Variants in SIRT1 observed in about 807,000 individuals in gnomAD.
SIRT1 encodes NAD-dependent protein deacetylase sirtuin-1.
Under a neutral mutation model 67.9 loss-of-function variants are expected in SIRT1, and 24 were observed. That is an observed-to-expected ratio of 0.35 (90% CI 0.26 to 0.50). SIRT1 has a LOEUF of 0.50. Among genes scored for constraint, SIRT1 ranks in the 20% least tolerant of loss-of-function variants. The probability of loss-of-function intolerance (pLI) is 0.98; values close to 1 mark genes in which losing one functional copy is unlikely to be tolerated. For missense variants in SIRT1, 873 were observed against 937.2 expected (o/e 0.93, Z 0.89); for synonymous variants, 378 against 350.7 (o/e 1.08, Z -0.87).
rs199618656 is a variant in SIRT1 at position 67,889,053 on chromosome 10, T to G, written c.719T>G (p.Ile240Ser). ...EPPKRKKRKD[I>S]NTIEDAVKLL... ...CCAAAAAGGAAAAAAAGAAAAGATATTAATACAATTGAAGATGCTGTGAAA... is the reference window on the plus strand; with the variant it reads ...CCAAAAAGGAAAAAAAGAAAAGATAGTAATACAATTGAAGATGCTGTGAAA... Residue 240 changes from isoleucine to serine, a missense_variant, in exon 3 of 9, where the codon ATT becomes AGT. Ile to Ser is a moderately radical substitution (Grantham distance 142). Transcript: ENST00000212015. 1.9e-6 allele frequency: 3 copies of G among 1,611,814 alleles called. No individual in the cohort carries two copies. Among genetic ancestry groups the G allele is most frequent in the Admixed American group, 3.3e-5 (2 of 59,984 alleles).
Position 67,909,438 on chromosome 10 carries a change from T to G in SIRT1, c.1353T>G (p.Ile451Met), listed in dbSNP as rs1325855305. The G allele has an allele frequency of 6.2e-7, 1 of 1,601,126 alleles. No individual in the cohort carries two copies. Among genetic ancestry groups the G allele is most frequent in the Non-Finnish European group, 8.5e-7 (1 of 1,176,418 alleles). ...SSLKVRPVALIPSSIPHEVPQ... is the reference protein window; with the variant it reads ...SSLKVRPVALMPSSIPHEVPQ... ...TCAAAGTAAGACCAGTAGCACTAAT[T>G]CCAAGTAAGTTGGTGATGGTTTTTG... The change falls in exon 7 of 9, where the codon ATT (isoleucine) becomes ATG (methionine). Residue 451 changes from isoleucine to methionine, a missense_variant. Around this residue, in one of 3 missense-constraint regions of SIRT1, gnomAD observed 251 missense variants for 358.8 expected, o/e 0.70. Coordinates refer to ENST00000212015, the MANE Select transcript of SIRT1 (RefSeq NM_012238.5).
chr10:67,912,500 A>T lies in SIRT1; in HGVS notation c.1384A>T (p.Ile462Leu), dbSNP rs1842915234. 3 of 1,611,508 alleles carry T rather than the reference A, an allele frequency of 1.9e-6. No individual in the cohort carries two copies. Among genetic ancestry groups the T allele is most frequent in the Non-Finnish European group, 2.5e-6 (3 of 1,179,282 alleles). The change falls in exon 8 of 9, where the codon ATA (isoleucine) becomes TTA (leucine). Residue 462 changes from isoleucine (I) to leucine (L), a missense_variant. Ile to Leu is a conservative substitution (Grantham distance 5). This residue lies in a region of SIRT1 where 251 missense variants were observed against 358.8 expected (regional missense o/e 0.70). Coordinates refer to ENST00000212015, the MANE Select transcript of SIRT1 (RefSeq NM_012238.5). ...TTCCATACCCCATGAAGTGCCTCAG[A>T]TATTAATTAATAGAGAACCTTTGCC... is the stretch of plus-strand genomic sequence containing the variant. The part of the protein sequence containing the change: ...PSSIPHEVPQ[I>L]LINREPLPHL...
chr10:67,908,021 G>A (rs1257620632), intron 5 of SIRT1, 25 bp from the exon 6 acceptor site: 5 of 1,574,328 alleles, frequency 3.2e-6, no homozygotes, highest in African/African-American at 1.4e-5. Flanking sequence ...CTTTAATAAA[G>A]CATATATATG....
intron 8 of SIRT1, 87 bp downstream of exon 8, chr10:67,913,118 AG>A: frequency 7.5e-7 from 1 of 1,332,148 alleles, no homozygotes; most frequent in Non-Finnish European, 1.0e-6. Context: ...GTTAATCGAT[AG>A]GGTAGCTTTA....
At chr10:67,885,992 C>T (rs991775601) in intron 1 of SIRT1, among the ~76,000 whole-genome samples, 7 of 126,268 alleles carry the variant, frequency 5.5e-5, no homozygotes, top group Non-Finnish European at 7.7e-5. Flanking sequence ...TGTCGCTAGG[C>T]TGGAGTGCAG....
intron 4 of SIRT1, among the ~76,000 whole-genome samples, chr10:67,895,372 G>A (rs866671520): frequency 5.3e-5 from 8 of 152,254 alleles, no homozygotes; most frequent in South Asian, 2.1e-4. Flanking sequence ...GCAGTGAGCC[G>A]AAAGCGCTTA....
chr10:67,912,623 A>G lies in SIRT1; in HGVS notation c.1507A>G (p.Asn503Asp), dbSNP rs201090108. The G allele has an allele frequency of 1.1e-5, 18 of 1,614,026 alleles. No homozygotes were observed. In the African/African-American group the frequency reaches 1.2e-4, roughly 11 times the overall value. ...TGGTGAATATGCCAAACTTTGCTGT[A>G]ACCCTGTAAAGCTTTCAGAAATTAC... ...LGGEYAKLCC[N>D]PVKLSEITEK... The change falls in exon 8 of 9, where the codon AAC becomes GAC. Residue 503 changes from asparagine (N) to aspartate (D), a missense_variant. Transcript: ENST00000212015.
rs1842455411 is a variant in SIRT1 at position 67,885,167 on chromosome 10, G to GCGGC, written c.430+20_430+23dup. The GCGGC allele has an allele frequency of 1.5e-6, 2 of 1,373,384 alleles. No individual in the cohort carries two copies. Among genetic ancestry groups the GCGGC allele is most frequent in the Non-Finnish European group, 9.5e-7 (1 of 1,055,584 alleles). The allele number at this position is 1,373,384 out of a possible 1,614,324, so 85.1% of individuals were successfully genotyped here. ...GGGTACCGAGGTGCGCAGGGTGCGGGCGGCCGGAACTGCGCATCTCCTCCT... is the reference window on the plus strand; with the variant it reads ...GGGTACCGAGGTGCGCAGGGTGCGGGCGGCCGGCCGGAACTGCGCATCTCCTCCT... On this transcript the variant is annotated intron_variant, in intron 1 of 8. Transcript: ENST00000212015.
intron 1 of SIRT1, among the ~76,000 whole-genome samples, chr10:67,886,073 G>T (rs562290338): frequency 6.6e-6 from 1 of 150,666 alleles, no homozygotes; most frequent in African/African-American, 2.4e-5. Context: ...CTGCCGAGTA[G>T]CTGGGACTAC....
At chr10:67,901,980 A>ATTTGTT (rs72486821) in intron 4 of SIRT1, among the ~76,000 whole-genome samples, 6 of 151,330 alleles carry the variant, frequency 4.0e-5, no homozygotes, top group African/African-American at 1.2e-4. Context: ...GGTATACAAT[A>ATTTGTT]TTTGTTTTTG....
At chr10:67,887,342 A>T (rs1589066959) in intron 1 of SIRT1, 75 bp from the exon 2 acceptor site, 2 of 897,818 alleles carry the variant, frequency 2.2e-6, no homozygotes, top group Non-Finnish European at 3.7e-6. Context: ...GATGAAAATG[A>T]TTGCTCTATA....
Position 67,884,737 on chromosome 10 carries a change from G to C in SIRT1, c.16G>C (p.Ala6Pro). MADEA[A>P]LALQPGGSPS... ...CAGTTGGAAGATGGCGGACGAGGCGGCCCTCGCCCTTCAGCCCGGCGGCTC... is the reference window on the plus strand; with the variant it reads ...CAGTTGGAAGATGGCGGACGAGGCGCCCCTCGCCCTTCAGCCCGGCGGCTC... Residue 6 changes from alanine (A) to proline (P), a missense_variant, in exon 1 of 9, where the codon GCC (alanine) becomes CCC (proline). Coordinates refer to ENST00000212015, the MANE Select transcript of SIRT1 (RefSeq NM_012238.5). The C allele has an allele frequency of 8.1e-7, 1 of 1,229,052 alleles. No homozygotes were observed. The highest frequency in any genetic ancestry group is 1.6e-5 in the African/African-American group (1 of 64,352). The allele number at this position is 1,229,052 out of a possible 1,614,324, so 76.1% of individuals were successfully genotyped here.
intron 3 of SIRT1, 75 bp downstream of exon 3, chr10:67,889,198 G>A: frequency 4.8e-6 from 7 of 1,457,794 alleles, no homozygotes; most frequent in Non-Finnish European, 6.4e-6. Context: ...ACATTTTTCT[G>A]GTTTAGAAGG....
intron 1 of SIRT1, among the ~76,000 whole-genome samples, chr10:67,886,965 G>C (rs902653668): frequency 6.6e-6 from 1 of 151,440 alleles, no homozygotes; most frequent in African/African-American, 2.4e-5. Flanking sequence ...TCCGCTTCCC[G>C]GGTTCAAGCC....
At chr10:67,901,565 T>C (rs1230562863) in intron 4 of SIRT1, among the ~76,000 whole-genome samples, 1 of 152,242 alleles carries the variant, frequency 6.6e-6, no homozygotes, top group Non-Finnish European at 1.5e-5. Context: ...TTCTTTGTTT[T>C]CTTTACAGCC....
chr10:67,916,557 A>AG lies in SIRT1; in HGVS notation c.2209dup (p.Val737GlyfsTer14). On this transcript the variant is annotated frameshift_variant, in exon 9 of 9. Coordinates refer to ENST00000212015, the MANE Select transcript of SIRT1 (RefSeq NM_012238.5). LOFTEE classifies it high-confidence loss of function. Reference sequence around the variant, plus strand: ...ATGAAGCTATATCTGTGAAACAGGAAGTAACAGACATGAACTATCCATCAA... The same window carrying AG: ...ATGAAGCTATATCTGTGAAACAGGAAGGTAACAGACATGAACTATCCATCAA... The AG allele has an allele frequency of 1.2e-6, 2 of 1,613,984 alleles. No homozygotes were observed. Among genetic ancestry groups the AG allele is most frequent in the Non-Finnish European group, 1.7e-6 (2 of 1,179,880 alleles).
At chr10:67,898,626 A>G (rs1842695655) in intron 4 of SIRT1, among the ~76,000 whole-genome samples, 1 of 152,248 alleles carries the variant, frequency 6.6e-6, no homozygotes, top group Non-Finnish European at 1.5e-5. Flanking sequence ...TGGATTATAT[A>G]TCTATACGTT....
At chr10:67,908,932 C>T (rs994987158) in intron 6 of SIRT1, among the ~76,000 whole-genome samples, 4 of 151,968 alleles carry the variant, frequency 2.6e-5, no homozygotes, top group Non-Finnish European at 5.9e-5. Context: ...TTTTATTTGA[C>T]AAATGTCTAT....
intron 5 of SIRT1, among the ~76,000 whole-genome samples, chr10:67,907,515 G>GAA (rs1197520931): frequency 5.0e-4 from 56 of 111,800 alleles, no homozygotes; most frequent in African/African-American, 1.2e-3. Flanking sequence ...AAAAGAAAAA[G>GAA]AAATTCTGAA....
Sources: allele counts gnomAD v4.1 joint callset (sites outside exome capture counted in the v4.1 genomes callset), GRCh38; gene constraint gnomAD v4.1.1; regional missense constraint gnomAD v4.1.1; transcripts MANE v1.5; gene names NCBI Gene and HGNC (gene_info 2026-07-23, HGNC 2026-07-21).